The following CAMK2G variants were observed in gnomAD, a reference collection of about 807,000 sequenced individuals.
The protein encoded by CAMK2G is calcium/calmodulin dependent protein kinase II gamma.
Under a neutral mutation model 88.7 loss-of-function variants are expected in CAMK2G, and 23 were observed. The ratio of observed to expected loss-of-function variants is 0.26; its 90% confidence interval spans 0.19 to 0.37. The LOEUF (loss-of-function observed/expected upper bound fraction) is 0.37. Ranked by LOEUF, CAMK2G falls within the 10% of genes least tolerant of loss-of-function variation. The pLI, the probability that CAMK2G is intolerant of heterozygous loss-of-function variation, is 1.00. For synonymous variants in CAMK2G, 263 were observed against 294.8 expected, an observed-to-expected ratio of 0.89 and a Z score of 1.11; for missense variants, 476 against 780.8, an observed-to-expected ratio of 0.61 and a Z score of 4.65.
chr10:73,868,690 C>T (rs565846712), intron 2 of CAMK2G, among the ~76,000 whole-genome samples: 1 of 152,138 alleles, frequency 6.6e-6, no homozygotes, highest in African/African-American at 2.4e-5. Context: ...CTGCTTCCCC[C>T]TCCCTTCTCT....
At chr10:73,868,232 C>G (rs539274335) in intron 2 of CAMK2G, among the ~76,000 whole-genome samples, 4 of 152,262 alleles carry the variant, frequency 2.6e-5, no homozygotes, top group African/African-American at 9.6e-5. Context: ...AGCACAGCTT[C>G]GAACAAGGGT....
chr10:73,863,232 C>T (rs1033537753), intron 2 of CAMK2G, among the ~76,000 whole-genome samples: 2 of 152,218 alleles, frequency 1.3e-5, no homozygotes, highest in African/African-American at 4.8e-5. Context: ...GCCTTCCTTC[C>T]TGTGCCTGGG....
At position 73,836,814 on chromosome 10, in the gene CAMK2G, C is replaced by T. The variant is rs538816144; in HGVS notation, c.1053+654G>A. On this transcript the variant is annotated intron_variant, in intron 14 of 22. Transcript: ENST00000423381. ...GGTAGCCCCAGTCACCTCTCCTCTA[C>T]CTTGGCCAAGCAGCCATTCCCAGCA... Among the ~76,000 whole-genome samples, 736 of 152,332 alleles carry T rather than the reference C, an allele frequency of 4.8e-3. 4 individuals are homozygous for T. The highest frequency in any genetic ancestry group is 8.1e-3 in the Non-Finnish European group (554 of 68,018).
chr10:73,816,015 T>C (rs746310650), intron 21 of CAMK2G: 63 of 985,192 alleles, frequency 6.4e-5, no homozygotes, highest in Non-Finnish European at 7.4e-5. Context: ...AGAGAGTTTA[T>C]ATATGTAGCT....
chr10:73,828,676 G>A (rs1257921045), intron 14 of CAMK2G, among the ~76,000 whole-genome samples: 1 of 152,192 alleles, frequency 6.6e-6, no homozygotes, highest in Non-Finnish European at 1.5e-5. Flanking sequence ...GCAGTTAAAT[G>A]TTGGCCTTCC....
chr10:73,848,114 C>G lies in CAMK2G; in HGVS notation c.602-32G>C, dbSNP rs1459176619. 16 of 1,306,066 alleles carry G rather than the reference C, an allele frequency of 1.2e-5. No individual in the cohort carries two copies. Among genetic ancestry groups the G allele is most frequent in the Non-Finnish European group, 1.7e-5 (15 of 900,202 alleles). 80.9% of individuals were successfully genotyped at this position (1,306,066 alleles called of 1,614,324 possible). ...GACAGAACACACAGGTCATGGGGGT[C>G]AGTCGCCTACTTCCCTGAGGAACCA... On this transcript the variant is annotated intron_variant, in intron 8 of 22. Transcript: ENST00000423381. This position sits in a 1 kb window ranked among gnomAD's most constrained non-coding sequence, Gnocchi z 4.5.
chr10:73,867,368 G>C (rs1450493724), intron 2 of CAMK2G, among the ~76,000 whole-genome samples: 2 of 152,242 alleles, frequency 1.3e-5, no homozygotes, highest in Non-Finnish European at 2.9e-5. Flanking sequence ...TGCTCTCAAG[G>C]GCCAGAAAAG....
intron 5 of CAMK2G, among the ~76,000 whole-genome samples, chr10:73,850,162 A>C (rs1233056469): frequency 6.6e-6 from 1 of 151,888 alleles, no homozygotes; most frequent in Non-Finnish European, 1.5e-5. Context: ...TGCCCAGCTA[A>C]TTTTTGTATT....
rs1050374972 is a variant in CAMK2G at position 73,847,813 on chromosome 10, C to T, written c.696+175G>A. The stretch of plus-strand genomic sequence containing the variant: ...AAGGCTGTGCAAAAGAAAGTTGCTC[C>T]CTGGGACATAGAGTGGCAAGAATTG... On this transcript the variant is annotated intron_variant, in intron 9 of 22. Coordinates refer to ENST00000423381, the MANE Select transcript of CAMK2G (RefSeq NM_001367534.1). Among the ~76,000 whole-genome samples the T allele has an allele frequency of 2.6e-5, 4 of 152,308 alleles. No homozygotes were observed. The East Asian group carries it at 5.8e-4, about 22-fold the overall frequency.
chr10:73,828,876 G>A (rs1021522881), intron 14 of CAMK2G, among the ~76,000 whole-genome samples: 4 of 152,144 alleles, frequency 2.6e-5, no homozygotes, highest in Admixed American at 6.5e-5. Flanking sequence ...CGAACTTTAC[G>A]TTCACATGTG....
intron 21 of CAMK2G, 126 bp downstream of exon 21, chr10:73,816,897 G>T (rs949142270): frequency 6.2e-7 from 1 of 1,609,832 alleles, no homozygotes; most frequent in Non-Finnish European, 8.5e-7. Context: ...AGCATACAGA[G>T]TAGGAGTGCA....
At chr10:73,817,167 T>C in intron 20 of CAMK2G, 50 bp from the exon 21 acceptor site, 1 of 1,556,228 alleles carries the variant, frequency 6.4e-7, no homozygotes, top group Non-Finnish European at 8.6e-7. Flanking sequence ...TGGAGTGACT[T>C]GTCTTCCTTC....
Position 73,817,501 on chromosome 10 carries a change from T to C in CAMK2G, c.1417A>G (p.Asn473Asp). 6.2e-7 allele frequency: 1 copy of C among 1,612,956 alleles called. No individual in the cohort carries two copies. The highest frequency in any genetic ancestry group is 1.1e-5 in the South Asian group (1 of 91,068). The change falls in exon 20 of 23, where the codon AAT (asparagine) becomes GAT (aspartate). Residue 473 changes from asparagine (N) to aspartate (D), a missense_variant. Asn to Asp is a conservative substitution (Grantham distance 23). This residue lies in a region of CAMK2G where 278 missense variants were observed against 366.5 expected (regional missense o/e 0.76). Coordinates refer to ENST00000423381, the MANE Select transcript of CAMK2G (RefSeq NM_001367534.1). ...ITEQLIEAIN[N>D]GDFEAYTKIC... Reference sequence around the variant, plus strand: ...TACGTGTAGGCCTCAAAGTCCCCATTGTTGATGGCTTCAATCAGCTGTTCT... The same window carrying C: ...TACGTGTAGGCCTCAAAGTCCCCATCGTTGATGGCTTCAATCAGCTGTTCT...
chr10:73,852,170 C>G (rs968302903), intron 5 of CAMK2G, 84 bp downstream of exon 5: 1 of 970,250 alleles, frequency 1.0e-6, no homozygotes, highest in Admixed American at 1.7e-5. Flanking sequence ...CAAACAGGTA[C>G]AATGCTGGAC....
chr10:73,821,823 G>A (rs987045536), intron 17 of CAMK2G, 93 bp from the exon 18 acceptor site: 1 of 959,086 alleles, frequency 1.0e-6, no homozygotes, highest in Non-Finnish European at 1.6e-6. Context: ...GCTCCTACAA[G>A]AGGTGCAAGG....
intron 19 of CAMK2G, 132 bp downstream of exon 19, chr10:73,819,400 A>G: frequency 1.4e-6 from 1 of 696,232 alleles, no homozygotes. Context: ...CCCCACCCCC[A>G]GCAGAGGCCA....
At chr10:73,864,866 G>A (rs1354219311) in intron 2 of CAMK2G, among the ~76,000 whole-genome samples, 1 of 152,068 alleles carries the variant, frequency 6.6e-6, no homozygotes, top group East Asian at 1.9e-4. Context: ...GGATGGTCTC[G>A]ATCTCCTGAC....
rs768255891 is a variant in CAMK2G at position 73,819,587 on chromosome 10, G to A, written c.1308C>T (p.Asp436=). The A allele has an allele frequency of 1.3e-6, 2 of 1,548,780 alleles. No individual in the cohort carries two copies. The highest frequency in any genetic ancestry group is 1.7e-6 in the Non-Finnish European group (2 of 1,146,928). The change falls in exon 19 of 23, where the codon GAC becomes GAT. Residue 436 remains aspartate (D), a synonymous_variant. Coordinates refer to ENST00000423381, the MANE Select transcript of CAMK2G (RefSeq NM_001367534.1). The stretch of plus-strand genomic sequence containing the variant: ...GCATGCCTGCAGAGGGGGCTGTTCT[G>A]TCCCGGGAGCTCCGTCCTTCAGGCA... The part of the protein sequence containing the change: ...SSVPEGRSSR[D]RTAPSAGMQP...
chr10:73,841,418 A>G (rs900678365), intron 12 of CAMK2G, among the ~76,000 whole-genome samples: 1 of 151,090 alleles, frequency 6.6e-6, no homozygotes, highest in Non-Finnish European at 1.5e-5. Flanking sequence ...CAGTCTCGAC[A>G]TTAATCTTTT....
Sources: allele counts gnomAD v4.1 joint callset (sites outside exome capture counted in the v4.1 genomes callset), GRCh38; gene constraint gnomAD v4.1.1; regional missense constraint gnomAD v4.1.1; non-coding constraint Gnocchi (gnomAD v3.1); transcripts MANE v1.5; gene names NCBI Gene and HGNC (gene_info 2026-07-23, HGNC 2026-07-21).